Variants in GFAP observed in about 807,000 individuals in gnomAD.
GFAP encodes the protein intermediate filament protein.
GFAP carries 38 observed loss-of-function variants against 49.3 expected under a neutral mutation model. The observed-to-expected ratio is 0.77, with a 90% CI of 0.60 to 1.01. The LOEUF (loss-of-function observed/expected upper bound fraction) is 1.01, where lower values mean the gene tolerates loss of function less well. GFAP is among the 50% of genes least tolerant of loss of function. GFAP has a pLI of 0.00. For missense variants in GFAP, 463 were observed against 579.1 expected (o/e 0.80, Z 2.06); for synonymous variants, 222 against 236.4 (o/e 0.94, Z 0.56).
chr17:44,910,881 G>A (rs1478422894), intron 6 of GFAP: 14 of 643,474 alleles, frequency 2.2e-5, no homozygotes, highest in Non-Finnish European at 3.2e-5. Context: ...CTATCTGAAG[G>A]AAGATGGAAA....
intron 8 of GFAP, 137 bp downstream of exon 8, chr17:44,907,927 T>G (rs777986525): frequency 7.7e-6 from 6 of 777,628 alleles, no homozygotes; most frequent in South Asian, 2.7e-5. Context: ...TTCCTTGCTC[T>G]CCTCCAGAAT....
intron 4 of GFAP, among the ~76,000 whole-genome samples, chr17:44,912,076 CTT>C (rs2051785189): frequency 6.6e-6 from 1 of 152,086 alleles, no homozygotes; most frequent in Non-Finnish European, 1.5e-5. Context: ...ACGCTGTCGT[CTT>C]AGGCGAGCGG....
In GFAP at chr17:44,907,109, T is replaced by TG. The variant is rs1234298588; in HGVS notation, c.*237dup. The TG allele has an allele frequency of 2.4e-5, 14 of 580,714 alleles. No individual in the cohort carries two copies. In the East Asian group the frequency reaches 3.3e-4, roughly 13 times the overall value. 36.0% of individuals were successfully genotyped at this position (580,714 alleles called of 1,614,324 possible). A position where few individuals can be genotyped will look rare whatever the true frequency, so the allele number is the denominator to read the frequency against. ...GGCCATGCCCCTCCAGACTGCCCCT[T>TG]GGGGGTGAGTTTCTTGTTAGTTGGA... On this transcript the variant is annotated 3_prime_UTR_variant, in exon 9 of 9. Transcript: ENST00000588735.
chr17:44,908,315 A>C, intron 7 of GFAP, 166 bp from the exon 8 acceptor site: 4 of 418,996 alleles, frequency 9.5e-6, no homozygotes, highest in Non-Finnish European at 1.7e-5. Flanking sequence ...AGAGCCCCCA[A>C]ATCCCAATAG....
rs1182560354 is a variant in GFAP at position 44,907,813 on chromosome 17, GAGAA to G, written c.1257+247_1257+250del. ...AAGCAAGGCCCCCGAGTTTGAGGGT[GAGAA>G]AGAGAGAGTGTGTATTAGGATCCCA... On this transcript the variant is annotated intron_variant, in intron 8 of 8. Transcript: ENST00000588735. The G allele has an allele frequency of 6.7e-6, 4 of 596,950 alleles. No homozygotes were observed. The South Asian group carries it at 7.7e-5, about 12-fold the overall frequency. 37.0% of individuals were successfully genotyped at this position (596,950 alleles called of 1,614,324 possible). A position where few individuals can be genotyped will look rare whatever the true frequency, so the allele number is the denominator to read the frequency against.
At chr17:44,907,957 A>C (rs771595876) in intron 8 of GFAP, 107 bp downstream of exon 8, 1 of 807,986 alleles carries the variant, frequency 1.2e-6, no homozygotes, top group South Asian at 1.3e-5. Flanking sequence ...AGCTACTGGG[A>C]GTTGCTGGGA....
chr17:44,915,456 G>A lies in GFAP; in HGVS notation c.31C>T (p.Arg11Cys), dbSNP rs749815672. The A allele has an allele frequency of 1.3e-5, 21 of 1,601,180 alleles. No homozygotes were observed. Among genetic ancestry groups the A allele is most frequent in the African/African-American group, 6.7e-5 (5 of 74,698 alleles). Residue 11 changes from arginine (R) to cysteine (C), a missense_variant, in exon 1 of 9, where the codon CGC (arginine) becomes TGC (cysteine). Physicochemically the swap from Arg to Cys is radical, Grantham distance 180 (BLOSUM62 -3). Coordinates refer to ENST00000588735, the MANE Select transcript of GFAP (RefSeq NM_002055.5). The surrounding 1 kb of genome is among the most constrained non-coding windows in gnomAD (Gnocchi z 4.1). MERRRITSAA[R>C]RSYVSSGEMM... ...TCCCCTGAGGAGACGTAGGAGCGGC[G>A]AGCAGCGGAGGTGATGCGTCTCCTC... is the stretch of plus-strand genomic sequence containing the variant.
chr17:44,910,533 G>T (rs1380761132), intron 7 of GFAP, 82 bp downstream of exon 7: 1 of 1,553,322 alleles, frequency 6.4e-7, no homozygotes, highest in South Asian at 1.2e-5. Flanking sequence ...CTGATCCTCA[G>T]TCCCAGTCTG....
At position 44,915,427 on chromosome 17, in the gene GFAP, C is replaced by T; in HGVS notation, c.60G>A (p.Met20Ile). The part of the protein sequence containing the change: ...ARRSYVSSGE[M>I]MVGGLAPGRR... Reference sequence around the variant, plus strand: ...GGCCAGGAGCCAGGCCCCCCACCATCATCTCCCCTGAGGAGACGTAGGAGC... The same window carrying T: ...GGCCAGGAGCCAGGCCCCCCACCATTATCTCCCCTGAGGAGACGTAGGAGC... Residue 20 changes from methionine (M) to isoleucine (I), a missense_variant, in exon 1 of 9, where the codon ATG becomes ATA. Transcript: ENST00000588735. The surrounding 1 kb of genome is among the most constrained non-coding windows in gnomAD (Gnocchi z 4.1). 6.2e-7 allele frequency: 1 copy of T among 1,608,726 alleles called. No homozygotes were observed. The highest frequency in any genetic ancestry group is 8.5e-7 in the Non-Finnish European group (1 of 1,177,340).
At chr17:44,913,640 C>G (rs753615075) in intron 3 of GFAP, 88 bp downstream of exon 3, 8 of 1,124,720 alleles carry the variant, frequency 7.1e-6, no homozygotes, top group Non-Finnish European at 1.1e-5. Context: ...CTGAGTGTCT[C>G]TCTCAGTCTC....
Position 44,904,897 on chromosome 17 carries a change from G to C in GFAP, c.*2450C>G. ...AGGGTGTGCTAGTTGCTGGCTTCCG[G>C]CTGGGTGTGACATCTCATGGGCACT... On this transcript the variant is annotated 3_prime_UTR_variant, in exon 9 of 9. Coordinates refer to ENST00000588735, the MANE Select transcript of GFAP (RefSeq NM_002055.5). 6.4e-7 allele frequency: 1 copy of C among 1,550,576 alleles called. No individual in the cohort carries two copies. Among genetic ancestry groups the C allele is most frequent in the Non-Finnish European group, 8.7e-7 (1 of 1,146,964 alleles).
intron 1 of GFAP, 174 bp downstream of exon 1, chr17:44,914,852 G>A: frequency 1.6e-6 from 1 of 629,250 alleles, no homozygotes; most frequent in South Asian, 1.9e-5. Context: ...GGGGCCCTGG[G>A]CCTGTTTCTG....
Position 44,903,801 on chromosome 17 carries a change from T to C in GFAP, c.*3546A>G, listed in dbSNP as rs569096360. The C allele has an allele frequency of 6.5e-7, 1 of 1,533,078 alleles. No homozygotes were observed. Among genetic ancestry groups the C allele is most frequent in the African/African-American group, 1.4e-5 (1 of 72,546 alleles). The allele number at this position is 1,533,078 out of a possible 1,614,324, so 95.0% of individuals were successfully genotyped here. On this transcript the variant is annotated 3_prime_UTR_variant, in exon 9 of 9. Transcript: ENST00000588735. ...AGCCTTTAATGCCCTGGTTTTGCCCTGCCCCTCTGACCCCTGCCTCCTTCA... is the reference window on the plus strand; with the variant it reads ...AGCCTTTAATGCCCTGGTTTTGCCCCGCCCCTCTGACCCCTGCCTCCTTCA...
Position 44,905,267 on chromosome 17 carries a change from A to G in GFAP, c.*2080T>C, listed in dbSNP as rs1256937813. The G allele has an allele frequency of 1.7e-6, 1 of 591,664 alleles. No homozygotes were observed. The highest frequency in any genetic ancestry group is 1.9e-5 in the African/African-American group (1 of 53,366). The allele number at this position is 591,664 out of a possible 1,614,324, so 36.7% of individuals were successfully genotyped here. A position where few individuals can be genotyped will look rare whatever the true frequency, so the allele number is the denominator to read the frequency against. Reference sequence around the variant, plus strand: ...TGGAGGGGCCTGAGGCTGGTGGGAGATTGGGGACTGAGCTCAGGATGGAAG... The same window carrying G: ...TGGAGGGGCCTGAGGCTGGTGGGAGGTTGGGGACTGAGCTCAGGATGGAAG... On this transcript the variant is annotated 3_prime_UTR_variant, in exon 9 of 9. Coordinates refer to ENST00000588735, the MANE Select transcript of GFAP (RefSeq NM_002055.5).
chr17:44,914,167 G>GGTATTCAAGTGTC, intron 1 of GFAP, 79 bp from the exon 2 acceptor site: 1 of 1,072,444 alleles, frequency 9.3e-7, no homozygotes, highest in Non-Finnish European at 1.4e-6. Context: ...CCTTGAGGCA[G>GGTATTCAAGTGTC]CTGTCACAGA....
At chr17:44,911,100 A>T in intron 6 of GFAP, 136 bp downstream of exon 6, 2 of 777,726 alleles carry the variant, frequency 2.6e-6, no homozygotes, top group South Asian at 2.8e-5. Context: ...TGTGTGAGGC[A>T]GGCACTGTGC....
intron 6 of GFAP, chr17:44,910,877 G>T: frequency 1.5e-6 from 1 of 645,212 alleles, no homozygotes; most frequent in Non-Finnish European, 2.7e-6. Context: ...ATGTCTATCT[G>T]AAGGAAGATG....
Position 44,913,176 on chromosome 17 carries a change from C to G in GFAP, c.780+93G>C, listed in dbSNP as rs1264499342. ...AAGTCAGTCACCTGGAGAGGATATT[C>G]TCCCAGCTTCCTCCACCCTCCTTCC... is the stretch of plus-strand genomic sequence containing the variant. On this transcript the variant is annotated intron_variant, in intron 4 of 8. Transcript: ENST00000588735. 2.4e-6 allele frequency: 3 copies of G among 1,263,432 alleles called. No individual in the cohort carries two copies. The East Asian group carries it at 6.9e-5, about 29-fold the overall frequency. The allele number at this position is 1,263,432 out of a possible 1,614,324, so 78.3% of individuals were successfully genotyped here. A position where few individuals can be genotyped will look rare whatever the true frequency, so the allele number is the denominator to read the frequency against.
Position 44,907,667 on chromosome 17 carries a change from C to G in GFAP, c.1258-279G>C. On this transcript the variant is annotated intron_variant, in intron 8 of 8. Coordinates refer to ENST00000588735, the MANE Select transcript of GFAP (RefSeq NM_002055.5). ...TGGCGGATACGCCAAATCCCCTCTT[C>G]CCATTCCCCTGGTAGTTTCCTTTTA... 5.2e-6 allele frequency: 3 copies of G among 577,490 alleles called. No individual in the cohort carries two copies. In the South Asian group the frequency reaches 6.0e-5, roughly 12 times the overall value. 35.8% of individuals were successfully genotyped at this position (577,490 alleles called of 1,614,324 possible). A position where few individuals can be genotyped will look rare whatever the true frequency, so the allele number is the denominator to read the frequency against.
Sources: gnomAD v4.1 joint callset for allele counts (sites outside exome capture counted in the v4.1 genomes callset) on GRCh38, gnomAD v4.1.1 for gene constraint, Gnocchi (gnomAD v3.1) non-coding constraint, MANE v1.5 for transcripts, NCBI Gene and HGNC (gene_info 2026-07-23, HGNC 2026-07-21) for gene names.